Variants in ST6GALNAC1 observed in about 807,000 individuals in gnomAD.
ST6GALNAC1 encodes the protein ST6 N-acetylgalactosaminide alpha-2,6-sialyltransferase 1, also known as alpha-N-acetylgalactosaminide alpha-2,6-sialyltransferase 1.
In ST6GALNAC1, 45 loss-of-function variants were observed where a neutral mutation model predicts 56.8. The ratio of observed to expected loss-of-function variants is 0.79; its 90% CI spans 0.62 to 1.02. The LOEUF is 1.02. ST6GALNAC1 is among the 50% of genes least tolerant of loss of function. ST6GALNAC1 has a pLI of 0.00. For synonymous variants in ST6GALNAC1, 295 were observed against 297.8 expected, an observed-to-expected ratio of 0.99 and a Z score of 0.10; for missense variants, 743 against 754.8, an observed-to-expected ratio of 0.98 and a Z score of 0.18.
At chr17:76,642,128 T>C (rs1327128772) in intron 1 of ST6GALNAC1, among the ~76,000 whole-genome samples, 4 of 151,946 alleles carry the variant, frequency 2.6e-5, no homozygotes, top group Non-Finnish European at 5.9e-5. Flanking sequence ...TATATCTCCA[T>C]ACTATATATA....
Position 76,629,039 on chromosome 17 carries a change from G to GT in ST6GALNAC1, c.803dup (p.Tyr268Ter). The change falls in exon 2 of 9, where the codon TAC (tyrosine) becomes TAAC (stop). Residue 268 changes from tyrosine (Y) to a stop codon, truncating the protein, a stop_gained and frameshift_variant. Coordinates refer to ENST00000156626, the MANE Select transcript of ST6GALNAC1 (RefSeq NM_018414.5). LOFTEE classifies it high-confidence loss of function. Reference protein sequence around the residue: ...SEPRWDFEEKYSFEIGGLQTT... With the variant: ...SEPRWDFEEK ...TCTGAAGGCCTCCTATTTCGAAGCTGTATTTTTCCTCAAAATCCCACCGAG... is the reference window on the plus strand; with the variant it reads ...TCTGAAGGCCTCCTATTTCGAAGCTGTTATTTTTCCTCAAAATCCCACCGAG... The GT allele has an allele frequency of 6.5e-7, 1 of 1,541,112 alleles. No homozygotes were observed. Among genetic ancestry groups the GT allele is most frequent in the Non-Finnish European group, 8.7e-7 (1 of 1,145,576 alleles).
At chr17:76,634,606 C>T (rs148161336) in intron 1 of ST6GALNAC1, among the ~76,000 whole-genome samples, 16,475 of 145,472 alleles carry the variant, frequency 0.11, 1,517 homozygotes, top group African/African-American at 0.26. Flanking sequence ...AGGCGTGGTG[C>T]CTCACGCCTG....
At chr17:76,631,574 C>T (rs1028270396) in intron 1 of ST6GALNAC1, among the ~76,000 whole-genome samples, 4 of 152,152 alleles carry the variant, frequency 2.6e-5, no homozygotes, top group Non-Finnish European at 5.9e-5. Flanking sequence ...TTGTCTCTAT[C>T]TCACCTCTCC....
At chr17:76,618,671 C>T in the ST6GALNAC1 span, among the ~76,000 whole-genome samples, 7 of 151,980 alleles carry the variant, frequency 4.6e-5, no homozygotes, top group Non-Finnish European at 1.0e-4. Flanking sequence ...GTCCCAGCTA[C>T]TCGGGAGGCT....
the ST6GALNAC1 span, among the ~76,000 whole-genome samples, chr17:76,618,654 G>C: frequency 6.6e-6 from 1 of 152,068 alleles, no homozygotes; most frequent in East Asian, 1.9e-4. Flanking sequence ...GGTGGCAGGC[G>C]CATGTAGTCC....
At chr17:76,643,475 A>T in intron 1 of ST6GALNAC1, 33 bp downstream of exon 1, 1 of 1,609,952 alleles carries the variant, frequency 6.2e-7, no homozygotes, top group Non-Finnish European at 8.5e-7. Context: ...CAAATGAATG[A>T]AATATGAGGA....
chr17:76,640,308 C>T (rs1401183986), intron 1 of ST6GALNAC1, among the ~76,000 whole-genome samples: 1 of 152,174 alleles, frequency 6.6e-6, no homozygotes, highest in Non-Finnish European at 1.5e-5. Context: ...TTCCCAGGTA[C>T]ATTACATCGT....
chr17:76,634,643 G>T (rs1315860082), intron 1 of ST6GALNAC1, among the ~76,000 whole-genome samples: 1 of 109,862 alleles, frequency 9.1e-6, no homozygotes, highest in African/African-American at 3.6e-5. Context: ...GGAGGCCGGG[G>T]GTGGGGGTGG....
downstream of ST6GALNAC1, among the ~76,000 whole-genome samples, chr17:76,622,492 G>A (rs1044134014): frequency 6.6e-6 from 1 of 152,050 alleles, no homozygotes; most frequent in African/African-American, 2.4e-5. Context: ...AGCTTCCTGA[G>A]TAGCTGGGAC....
intron 1 of ST6GALNAC1, among the ~76,000 whole-genome samples, chr17:76,641,103 A>G (rs1392279951): frequency 6.6e-6 from 1 of 152,210 alleles, no homozygotes; most frequent in Non-Finnish European, 1.5e-5. Context: ...GTCGTAAAAC[A>G]TATTTTTCCT....
In ST6GALNAC1 at chr17:76,626,424, G is replaced by A. The variant is rs1400849497; in HGVS notation, c.1312-32C>T. ...ACCAAGGACAGGGAGTGGTCCAAAA[G>A]TACTGCCTTCAGGACCACCACCGAG... On this transcript the variant is annotated intron_variant, in intron 5 of 8. Coordinates refer to ENST00000156626, the MANE Select transcript of ST6GALNAC1 (RefSeq NM_018414.5). 3.1e-6 allele frequency: 5 copies of A among 1,605,914 alleles called. No homozygotes were observed. The South Asian group carries it at 4.4e-5, about 14-fold the overall frequency.
At chr17:76,630,532 A>T (rs1330769275) in intron 1 of ST6GALNAC1, among the ~76,000 whole-genome samples, 3 of 151,682 alleles carry the variant, frequency 2.0e-5, no homozygotes, top group Non-Finnish European at 4.4e-5. Flanking sequence ...AAGGGCTGAC[A>T]GCTGACAGTT....
At chr17:76,631,781 C>T (rs931884789) in intron 1 of ST6GALNAC1, among the ~76,000 whole-genome samples, 6 of 152,084 alleles carry the variant, frequency 3.9e-5, no homozygotes, top group African/African-American at 1.2e-4. Context: ...CCAGGGGTCT[C>T]GGTCACATAC....
intron 1 of ST6GALNAC1, among the ~76,000 whole-genome samples, chr17:76,634,258 A>T (rs1339157648): frequency 1.3e-5 from 2 of 152,078 alleles, no homozygotes; most frequent in Admixed American, 6.5e-5. Flanking sequence ...CCCTCATTTT[A>T]TCTCAGGCCC....
intron 1 of ST6GALNAC1, among the ~76,000 whole-genome samples, chr17:76,640,931 C>G (rs956347456): frequency 6.6e-6 from 1 of 151,956 alleles, no homozygotes. Flanking sequence ...TAAAAAAAAC[C>G]CAATTCCCTC....
chr17:76,634,023 G>A lies in ST6GALNAC1; in HGVS notation c.132-4312C>T, dbSNP rs893491177. ...TCACTCACTAACAAAGCCAGTATGAGTAGAAGATTATTTTATGGAGGAGGA... is the reference window on the plus strand; with the variant it reads ...TCACTCACTAACAAAGCCAGTATGAATAGAAGATTATTTTATGGAGGAGGA... On this transcript the variant is annotated intron_variant, in intron 1 of 8. Transcript: ENST00000156626. 2.6e-5 allele frequency among the ~76,000 whole-genome samples: 4 copies of A among 152,218 alleles called. No homozygotes were observed. In the South Asian group the frequency reaches 6.2e-4, roughly 24 times the overall value.
intron 1 of ST6GALNAC1, chr17:76,637,606 G>A: frequency 2.5e-6 from 1 of 398,654 alleles, no homozygotes; most frequent in Middle Eastern, 6.3e-4. Context: ...TCACACATAA[G>A]CCAGGTGGAC....
In ST6GALNAC1 at chr17:76,627,085, C is replaced by A; in HGVS notation, c.1154G>T (p.Ser385Ile). ...NNSHMGQEID[S>I]HDYVFRLSGA... ...AGCTTACCGGAACACGTAGTCGTGA[C>A]TGTCTATCTCCTGGCCCATGTGGGA... Residue 385 changes from serine (S) to isoleucine (I), a missense_variant, in exon 4 of 9, where the codon AGT becomes ATT. Ser to Ile is a moderately radical substitution (Grantham distance 142). Transcript: ENST00000156626. This position sits in a 1 kb window ranked among gnomAD's most constrained non-coding sequence, Gnocchi z 4.4. The A allele has an allele frequency of 1.3e-6, 2 of 1,559,906 alleles. No homozygotes were observed. Among genetic ancestry groups the A allele is most frequent in the South Asian group, 1.2e-5 (1 of 81,498 alleles).
chr17:76,621,526 A>C (rs1042344202), downstream of ST6GALNAC1, among the ~76,000 whole-genome samples: 1 of 151,696 alleles, frequency 6.6e-6, no homozygotes, highest in African/African-American at 2.4e-5. Flanking sequence ...ACCAGGCTAG[A>C]GTGCAGTGGC....
Sources: gnomAD v4.1 joint callset for allele counts (sites outside exome capture counted in the v4.1 genomes callset) on GRCh38, gnomAD v4.1.1 for gene constraint, Gnocchi (gnomAD v3.1) non-coding constraint, MANE v1.5 for transcripts, NCBI Gene and HGNC (gene_info 2026-07-23, HGNC 2026-07-21) for gene names.